DAAM1: variants seen among roughly 807,000 people sequenced by gnomAD.
DAAM1 encodes the protein dishevelled associated activator of morphogenesis 1.
Under a neutral mutation model 130.0 loss-of-function variants are expected in DAAM1, and 52 were observed. The ratio of observed to expected loss-of-function variants is 0.40; its 90% CI spans 0.32 to 0.50. The LOEUF is 0.50. Among genes scored for constraint, DAAM1 ranks in the 20% least tolerant of loss-of-function variants. The pLI is 0.61. For synonymous variants in DAAM1, 452 were observed against 444.5 expected (o/e 1.02, Z -0.21); for missense variants, 1,134 against 1,303.8 (o/e 0.87, Z 2.01).
chr14:59,200,435 A>G (rs1225275471), intron 1 of DAAM1, among the ~76,000 whole-genome samples: 1 of 152,220 alleles, frequency 6.6e-6, no homozygotes, highest in African/African-American at 2.4e-5. Flanking sequence ...GAAGAGGATT[A>G]GCACAGTGAT....
intron 2 of DAAM1, among the ~76,000 whole-genome samples, chr14:59,274,832 A>T (rs1440660049): frequency 6.6e-6 from 1 of 152,202 alleles, no homozygotes. Context: ...TTAAAATGTT[A>T]GTTACAATGG....
chr14:59,216,293 C>A (rs1475543875), intron 1 of DAAM1, among the ~76,000 whole-genome samples: 1 of 152,132 alleles, frequency 6.6e-6, no homozygotes, highest in African/African-American at 2.4e-5. Flanking sequence ...TCTGTCAAGT[C>A]AATATCATGC....
At chr14:59,204,698 C>G (rs1470060047) in intron 1 of DAAM1, among the ~76,000 whole-genome samples, 2 of 152,106 alleles carry the variant, frequency 1.3e-5, no homozygotes, top group Non-Finnish European at 2.9e-5. Flanking sequence ...TGCCATTATA[C>G]TCTTGATGAT....
Position 59,330,652 on chromosome 14 carries a change from G to A in DAAM1, c.1524G>A (p.Val508=). ...TTEHKQVKQQ[V]ADLTAQLHEL... ...AGCATAAGCAAGTCAAGCAGCAGGTGGCGGACCTCACAGCACAGCTCCATG... is the reference window on the plus strand; with the variant it reads ...AGCATAAGCAAGTCAAGCAGCAGGTAGCGGACCTCACAGCACAGCTCCATG... The change falls in exon 13 of 25, where the codon GTG becomes GTA. Residue 508 remains valine (V), a synonymous_variant. Transcript: ENST00000360909. 6.2e-7 allele frequency: 1 copy of A among 1,613,726 alleles called. No individual in the cohort carries two copies. The highest frequency in any genetic ancestry group is 1.1e-5 in the South Asian group (1 of 91,022).
intron 3 of DAAM1, among the ~76,000 whole-genome samples, chr14:59,295,279 G>T (rs748622786): frequency 1.3e-5 from 2 of 152,196 alleles, no homozygotes; most frequent in Non-Finnish European, 2.9e-5. Context: ...TTACTCTGCT[G>T]CTGAGTGTGT....
chr14:59,298,597 T>G (rs1289674167), intron 3 of DAAM1, among the ~76,000 whole-genome samples: 1 of 152,212 alleles, frequency 6.6e-6, no homozygotes, highest in African/African-American at 2.4e-5. Context: ...TCCTTTTTAT[T>G]GCAAAAAAGT....
intron 1 of DAAM1, among the ~76,000 whole-genome samples, chr14:59,198,248 C>A: frequency 6.7e-6 from 1 of 149,368 alleles, no homozygotes; most frequent in African/African-American, 2.5e-5. Flanking sequence ...CACTGTTGCC[C>A]AGGCTGGAGT....
chr14:59,195,090 A>G (rs574832124), intron 1 of DAAM1, among the ~76,000 whole-genome samples: 1 of 152,094 alleles, frequency 6.6e-6, no homozygotes, highest in Non-Finnish European at 1.5e-5. Flanking sequence ...TTTTGAACAG[A>G]CATTGATTTC....
intron 3 of DAAM1, among the ~76,000 whole-genome samples, chr14:59,309,297 G>C (rs1884487327): frequency 6.6e-6 from 1 of 152,240 alleles, no homozygotes; most frequent in South Asian, 2.1e-4. Context: ...TCAGGGAGCA[G>C]TGAGCTTGGC....
intron 3 of DAAM1, among the ~76,000 whole-genome samples, chr14:59,305,867 T>C (rs1010412763): frequency 6.6e-6 from 1 of 152,240 alleles, no homozygotes; most frequent in African/African-American, 2.4e-5. Context: ...TTCAGGCCAT[T>C]CAGAAACTCT....
intron 1 of DAAM1, among the ~76,000 whole-genome samples, chr14:59,215,714 A>G (rs1351378603): frequency 6.6e-6 from 1 of 152,204 alleles, no homozygotes; most frequent in Non-Finnish European, 1.5e-5. Flanking sequence ...GCCCTGTGTG[A>G]CAGCCGCGGG....
intron 23 of DAAM1, among the ~76,000 whole-genome samples, chr14:59,365,939 T>C (rs1886899091): frequency 6.6e-6 from 1 of 152,092 alleles, no homozygotes; most frequent in South Asian, 2.1e-4. Context: ...TGGGTAGTTA[T>C]AATAATGCTA....
chr14:59,223,590 A>G (rs1888844552), intron 1 of DAAM1, among the ~76,000 whole-genome samples: 1 of 152,220 alleles, frequency 6.6e-6, no homozygotes, highest in African/African-American at 2.4e-5. Context: ...ACTTGCACGG[A>G]AGCCTGGATC....
intron 1 of DAAM1, among the ~76,000 whole-genome samples, chr14:59,221,386 T>C (rs1888767151): frequency 1.3e-5 from 2 of 152,236 alleles, no homozygotes; most frequent in South Asian, 4.1e-4. Context: ...CTCATGGTAA[T>C]TACAATCTTC....
intron 2 of DAAM1, among the ~76,000 whole-genome samples, chr14:59,280,535 CTTTTTT>C (rs35354608): frequency 0.016 from 1,496 of 90,682 alleles, 11 homozygotes; most frequent in Admixed American, 0.024. Flanking sequence ...GCACACCTTC[CTTTTTT>C]TTTTTTTTTT....
At chr14:59,343,847 G>T (rs1315145835) in intron 16 of DAAM1, among the ~76,000 whole-genome samples, 1 of 152,122 alleles carries the variant, frequency 6.6e-6, no homozygotes, top group Non-Finnish European at 1.5e-5. Flanking sequence ...TGGCCTAAAA[G>T]GTGTGCATTT....
chr14:59,318,267 G>A (rs372154152), intron 4 of DAAM1, among the ~76,000 whole-genome samples: 34 of 151,830 alleles, frequency 2.2e-4, no homozygotes, highest in African/African-American at 6.0e-4. Context: ...CCAAAGAAAC[G>A]ATTCAAACGG....
intron 21 of DAAM1, among the ~76,000 whole-genome samples, chr14:59,360,432 C>A (rs1249473858): frequency 6.6e-6 from 1 of 152,164 alleles, no homozygotes; most frequent in Non-Finnish European, 1.5e-5. Context: ...TGCAGATGAA[C>A]TTGTTTTCTT....
At chr14:59,304,053 A>G (rs1057034219) in intron 3 of DAAM1, among the ~76,000 whole-genome samples, 1 of 152,208 alleles carries the variant, frequency 6.6e-6, no homozygotes, top group African/African-American at 2.4e-5. Context: ...ACCATATTCC[A>G]TGCTGTCTTT....
Sources: gnomAD v4.1 joint callset for allele counts (sites outside exome capture counted in the v4.1 genomes callset) on GRCh38, gnomAD v4.1.1 for gene constraint, MANE v1.5 for transcripts, NCBI Gene and HGNC (gene_info 2026-07-23, HGNC 2026-07-21) for gene names.